The following CSMD1 variants were observed in gnomAD, a reference collection of about 807,000 sequenced individuals.
CSMD1 encodes CUB and sushi domain-containing protein 1.
In CSMD1, 213 loss-of-function variants were observed where a neutral mutation model predicts 417.5. The observed-to-expected ratio is 0.51, with a 90% CI of 0.46 to 0.57. The LOEUF (loss-of-function observed/expected upper bound fraction) is 0.57. CSMD1 is among the 20% of genes least tolerant of loss of function. The pLI is 0.00. For missense variants in CSMD1, 6,923 were observed against 4,529.7 expected, an observed-to-expected ratio of 1.53 and a Z score of -15.17; for synonymous variants, 2,862 against 1,736.8, an observed-to-expected ratio of 1.65 and a Z score of -16.11.
At chr8:4,467,552 G>A (rs746207996) in intron 2 of CSMD1, among the ~76,000 whole-genome samples, 1 of 152,100 alleles carries the variant, frequency 6.6e-6, no homozygotes, top group African/African-American at 2.4e-5. Flanking sequence ...TAAACCTGTT[G>A]AAAAATTGTT....
At chr8:4,009,931 G>C (rs143804496) in intron 4 of CSMD1, among the ~76,000 whole-genome samples, 1 of 151,666 alleles carries the variant, frequency 6.6e-6, no homozygotes, top group African/African-American at 2.4e-5. Context: ...CTCCTCTGTC[G>C]CCCTTTATCC....
chr8:2,991,029 G>GCT (rs1224361535), intron 54 of CSMD1, among the ~76,000 whole-genome samples: 1 of 152,184 alleles, frequency 6.6e-6, no homozygotes, highest in Non-Finnish European at 1.5e-5. Context: ...GACTGCTGCT[G>GCT]CAGATACACC....
intron 11 of CSMD1, among the ~76,000 whole-genome samples, chr8:3,485,343 T>G (rs1222173553): frequency 6.6e-6 from 1 of 152,038 alleles, no homozygotes; most frequent in Non-Finnish European, 1.5e-5. Flanking sequence ...AATGACAAAT[T>G]TTTAGAGCTG....
At chr8:4,464,508 G>A (rs1381053229) in intron 2 of CSMD1, among the ~76,000 whole-genome samples, 1 of 152,132 alleles carries the variant, frequency 6.6e-6, no homozygotes, top group South Asian at 2.1e-4. Flanking sequence ...AACACATTGA[G>A]TATCTCGTGT....
At chr8:3,853,389 G>A (rs1347735928) in intron 5 of CSMD1, among the ~76,000 whole-genome samples, 3 of 152,004 alleles carry the variant, frequency 2.0e-5, no homozygotes, top group Non-Finnish European at 4.4e-5. Flanking sequence ...TAATGCATTG[G>A]TATAGCACGC....
At chr8:4,328,579 G>GA (rs916637131) in intron 3 of CSMD1, among the ~76,000 whole-genome samples, 8 of 151,406 alleles carry the variant, frequency 5.3e-5, no homozygotes, top group East Asian at 1.9e-4. Context: ...TTAAAAAAAT[G>GA]AAAAAAAATT....
chr8:4,672,089 G>C (rs1178423210), intron 1 of CSMD1, among the ~76,000 whole-genome samples: 1 of 152,186 alleles, frequency 6.6e-6, no homozygotes, highest in African/African-American at 2.4e-5. Context: ...TAAGAATTCG[G>C]CTTTCTACAG....
intron 1 of CSMD1, among the ~76,000 whole-genome samples, chr8:4,798,247 G>C (rs28369591): frequency 0.049 from 7,392 of 152,208 alleles, 314 homozygotes; most frequent in East Asian, 0.24. Flanking sequence ...CCACCTATGA[G>C]TGAGAACATG....
intron 18 of CSMD1, among the ~76,000 whole-genome samples, chr8:3,380,872 C>T (rs1810585944): frequency 1.3e-5 from 2 of 151,530 alleles, no homozygotes; most frequent in Admixed American, 1.3e-4. Context: ...CACATGTGTC[C>T]CAGAACTTAA....
chr8:3,711,383 C>A (rs150174512), intron 6 of CSMD1, among the ~76,000 whole-genome samples: 109 of 152,286 alleles, frequency 7.2e-4, no homozygotes, highest in African/African-American at 2.4e-3. Flanking sequence ...GGCTGTTCAT[C>A]TTCAGCCCGT....
chr8:4,211,500 G>C (rs981694910), intron 3 of CSMD1, among the ~76,000 whole-genome samples: 11 of 152,298 alleles, frequency 7.2e-5, no homozygotes, highest in African/African-American at 2.2e-4. Context: ...CTGGGTGTTT[G>C]AATGTATTTA....
chr8:4,068,597 C>T lies in CSMD1; in HGVS notation c.416-36498G>A, dbSNP rs973330588. ...TCAAATGAGGTGTTTGTAATGATTGCAGAAAACATATCTAGTTCATATAAT... is the reference window on the plus strand; with the variant it reads ...TCAAATGAGGTGTTTGTAATGATTGTAGAAAACATATCTAGTTCATATAAT... On this transcript the variant is annotated intron_variant, in intron 3 of 69. Transcript: ENST00000635120. Among the ~76,000 whole-genome samples, 31 of 152,056 alleles carry T rather than the reference C, an allele frequency of 2.0e-4. 1 individual carries two copies. Among genetic ancestry groups the T allele is most frequent in the Admixed American group, 2.0e-3 (30 of 15,276 alleles).
chr8:4,298,830 T>G lies in CSMD1; in HGVS notation c.415+121123A>C, dbSNP rs562394628. Among the ~76,000 whole-genome samples, 5 of 152,152 alleles carry G rather than the reference T, an allele frequency of 3.3e-5. No homozygotes were observed. In the South Asian group the frequency reaches 1.0e-3, roughly 32 times the overall value. ...TACATGTACCCTAGAACTTAAAGTA[T>G]AATAAAAAATTATTTCTGGAAATAC... On this transcript the variant is annotated intron_variant, in intron 3 of 69. Coordinates refer to ENST00000635120, the MANE Select transcript of CSMD1 (RefSeq NM_033225.6).
chr8:4,565,739 AAAATATATACATATATATATATATAT>A (rs1222536599), intron 2 of CSMD1, among the ~76,000 whole-genome samples: 3 of 123,286 alleles, frequency 2.4e-5, no homozygotes, highest in Admixed American at 9.6e-5. Context: ...CACCTTAAAA[AAAATATATACATATATATATATATAT>A]ATATATATAT....
intron 50 of CSMD1, among the ~76,000 whole-genome samples, chr8:3,045,695 C>T (rs1811390388): frequency 6.6e-6 from 1 of 152,102 alleles, no homozygotes; most frequent in Non-Finnish European, 1.5e-5. Context: ...ATCATGAGAG[C>T]TAGTAAGTTC....
intron 3 of CSMD1, among the ~76,000 whole-genome samples, chr8:4,280,444 C>A (rs547080575): frequency 6.6e-6 from 1 of 152,172 alleles, no homozygotes; most frequent in African/African-American, 2.4e-5. Flanking sequence ...GACCGGATAC[C>A]AATCTGAGCA....
intron 3 of CSMD1, among the ~76,000 whole-genome samples, chr8:4,042,989 G>A (rs1462999694): frequency 6.6e-6 from 1 of 151,762 alleles, no homozygotes; most frequent in East Asian, 1.9e-4. Flanking sequence ...AAAATTAGCT[G>A]GGTGTGGTGA....
chr8:4,214,252 G>C (rs1159348830), intron 3 of CSMD1, among the ~76,000 whole-genome samples: 1 of 152,144 alleles, frequency 6.6e-6, no homozygotes, highest in South Asian at 2.1e-4. Context: ...TGAAATGTTT[G>C]AGACTTTTAC....
At chr8:4,320,133 A>G (rs1215082523) in intron 3 of CSMD1, among the ~76,000 whole-genome samples, 1 of 152,224 alleles carries the variant, frequency 6.6e-6, no homozygotes, top group Non-Finnish European at 1.5e-5. Context: ...TAACTGTGTA[A>G]CAGAACAAAG....
Sources: allele counts gnomAD v4.1 joint callset (sites outside exome capture counted in the v4.1 genomes callset), GRCh38; gene constraint gnomAD v4.1.1; transcripts MANE v1.5; gene names NCBI Gene and HGNC (gene_info 2026-07-23, HGNC 2026-07-21).